ETV5: variants seen among roughly 807,000 people sequenced by gnomAD.
ETV5 encodes ETS translocation variant 5.
In ETV5, 10 loss-of-function variants were observed where a neutral mutation model predicts 70.0. The ratio of observed to expected loss-of-function variants is 0.14; its 90% CI spans 0.09 to 0.24. The LOEUF (loss-of-function observed/expected upper bound fraction) is 0.24. ETV5 is among the 10% of genes least tolerant of loss of function. The pLI is 1.00. For missense variants in ETV5, 453 were observed against 651.2 expected (o/e 0.70, Z 3.31); for synonymous variants, 216 against 242.2 (o/e 0.89, Z 1.01).
At position 186,105,121 on chromosome 3, in the gene ETV5, A is replaced by ATAAT. The variant is rs575056114; in HGVS notation, c.232+183_232+184insATTA. 8.7e-4 allele frequency: 463 copies of ATAAT among 533,862 alleles called. No individual in the cohort carries two copies. The highest frequency in any genetic ancestry group is 1.5e-3 in the Admixed American group (41 of 27,006). The allele number at this position is 533,862 out of a possible 1,614,324, so 33.1% of individuals were successfully genotyped here. A position where few individuals can be genotyped will look rare whatever the true frequency, so the allele number is the denominator to read the frequency against. On this transcript the variant is annotated intron_variant, in intron 5 of 12. Coordinates refer to ENST00000306376, the MANE Select transcript of ETV5 (RefSeq NM_004454.3). This position sits in a 1 kb window ranked among gnomAD's most constrained non-coding sequence, Gnocchi z 4.5. ...AAATCTTACCTGCAATACAGTAGAA[A>ATAAT]TACTTTAGAAATAATTTTATTATGA...
chr3:186,052,688 G>A lies in ETV5; in HGVS notation c.1210-557C>T, dbSNP rs1354171087. Among the ~76,000 whole-genome samples the A allele has an allele frequency of 6.6e-6, 1 of 152,166 alleles. No homozygotes were observed. Among genetic ancestry groups the A allele is most frequent in the African/African-American group, 2.4e-5 (1 of 41,422 alleles). On this transcript the variant is annotated intron_variant, in intron 11 of 12. Coordinates refer to ENST00000306376, the MANE Select transcript of ETV5 (RefSeq NM_004454.3). This position sits in a 1 kb window ranked among gnomAD's most constrained non-coding sequence, Gnocchi z 4.5. The stretch of plus-strand genomic sequence containing the variant: ...GCTGCCATCCAATCCCATGCTCCCA[G>A]CAGACTTGCAGAATGGACATGAAAG...
intron 7 of ETV5, among the ~76,000 whole-genome samples, chr3:186,068,574 C>T (rs1489772032): frequency 6.6e-6 from 1 of 152,224 alleles, no homozygotes. Flanking sequence ...GTGCCAGCTG[C>T]CCTTTCCCTG....
chr3:186,098,116 A>T (rs1473678886), intron 5 of ETV5, among the ~76,000 whole-genome samples: 1 of 152,194 alleles, frequency 6.6e-6, no homozygotes, highest in Non-Finnish European at 1.5e-5. Context: ...CCTTCCTAGG[A>T]TTCAAATGGC....
intron 1 of ETV5, among the ~76,000 whole-genome samples, chr3:186,106,210 T>C (rs1714583732): frequency 6.6e-6 from 1 of 152,156 alleles, no homozygotes; most frequent in Non-Finnish European, 1.5e-5. Flanking sequence ...TTTGCTACTG[T>C]CTGTTCTCTA....
chr3:186,078,998 T>TC (rs1713865757), intron 7 of ETV5: 1 of 1,027,864 alleles, frequency 9.7e-7, no homozygotes, highest in African/African-American at 1.7e-5. Context: ...CCCACACCGA[T>TC]CCACCTAACA....
At chr3:186,107,713 A>T (rs992708512) in intron 1 of ETV5, among the ~76,000 whole-genome samples, 2 of 151,780 alleles carry the variant, frequency 1.3e-5, no homozygotes. Context: ...AGCACAGCGC[A>T]GCGGCGCGAT....
chr3:186,057,368 G>T lies in ETV5; in HGVS notation c.1039+55C>A, dbSNP rs960041975. ...TTGGGAAGAGAGTCATGGCTGAGGT[G>T]TTCTGACACCTCCAAACCTCTACCT... On this transcript the variant is annotated intron_variant, in intron 10 of 12. Coordinates refer to ENST00000306376, the MANE Select transcript of ETV5 (RefSeq NM_004454.3). The surrounding 1 kb of genome is among the most constrained non-coding windows in gnomAD (Gnocchi z 4.9). 3.1e-6 allele frequency: 5 copies of T among 1,606,970 alleles called. No homozygotes were observed. Among genetic ancestry groups the T allele is most frequent in the African/African-American group, 2.7e-5 (2 of 74,740 alleles).
At chr3:186,074,875 A>T (rs1231597007) in intron 7 of ETV5, among the ~76,000 whole-genome samples, 1 of 151,502 alleles carries the variant, frequency 6.6e-6, no homozygotes, top group East Asian at 1.9e-4. Context: ...AAAAAAAAAA[A>T]AAAAAAAGAA....
intron 9 of ETV5, among the ~76,000 whole-genome samples, chr3:186,060,985 G>C (rs1713289691): frequency 6.6e-6 from 1 of 152,192 alleles, no homozygotes; most frequent in African/African-American, 2.4e-5. Flanking sequence ...ATCACAGCCA[G>C]TGTCCGGGAG....
intron 11 of ETV5, among the ~76,000 whole-genome samples, chr3:186,056,862 T>C (rs1285353859): frequency 2.6e-5 from 4 of 152,196 alleles, no homozygotes; most frequent in Non-Finnish European, 4.4e-5. Flanking sequence ...ACAAATACTT[T>C]TCATGTATTC....
intron 7 of ETV5, among the ~76,000 whole-genome samples, chr3:186,073,276 A>C (rs1713689437): frequency 6.6e-6 from 1 of 152,266 alleles, no homozygotes; most frequent in Non-Finnish European, 1.5e-5. Flanking sequence ...AGTGTCCTTT[A>C]GTATAGTTTA....
At chr3:186,107,037 C>A (rs1313640612) in intron 1 of ETV5, 17 of 707,384 alleles carry the variant, frequency 2.4e-5, no homozygotes, top group Admixed American at 6.3e-5. Context: ...CCCCGGTGAG[C>A]AATTCCATCC....
intron 5 of ETV5, among the ~76,000 whole-genome samples, chr3:186,092,925 A>C (rs1714216871): frequency 6.6e-6 from 1 of 152,208 alleles, no homozygotes; most frequent in Admixed American, 6.5e-5. Flanking sequence ...GGCTTGTAGA[A>C]CATTGCTTTC....
In ETV5 at chr3:186,057,776, G is replaced by A. The variant is rs1290160264; in HGVS notation, c.971-285C>T. 6.6e-6 allele frequency among the ~76,000 whole-genome samples: 1 copy of A among 152,118 alleles called. No individual in the cohort carries two copies. On this transcript the variant is annotated intron_variant, in intron 9 of 12. Transcript: ENST00000306376. The surrounding 1 kb of genome is among the most constrained non-coding windows in gnomAD (Gnocchi z 4.9). The stretch of plus-strand genomic sequence containing the variant: ...ACGTTCCTTTGCATTTTGCTTCTGA[G>A]GTCTGCATGGATCAATGTTGCTCTG...
chr3:186,074,898 G>T (rs1025989266), intron 7 of ETV5, among the ~76,000 whole-genome samples: 5 of 150,354 alleles, frequency 3.3e-5, no homozygotes, highest in African/African-American at 1.2e-4. Flanking sequence ...AACAAGTTAG[G>T]TTTGTCACAA....
rs118010742 is a variant in ETV5 at position 186,082,751 on chromosome 3, T to C, written c.233-1576A>G. Among the ~76,000 whole-genome samples the C allele has an allele frequency of 8.7e-3, 1,318 of 152,328 alleles. 7 individuals carry two copies. Among genetic ancestry groups the C allele is most frequent in the East Asian group, 0.018 (96 of 5,190 alleles). ...TCATCTCTTTTCTATTAATATCTGATAAGGCTGAACTATCTTCCAGCCAAC... is the reference window on the plus strand; with the variant it reads ...TCATCTCTTTTCTATTAATATCTGACAAGGCTGAACTATCTTCCAGCCAAC... On this transcript the variant is annotated intron_variant, in intron 5 of 12. Transcript: ENST00000306376.
At chr3:186,061,180 T>C (rs1026158150) in intron 9 of ETV5, among the ~76,000 whole-genome samples, 3 of 152,232 alleles carry the variant, frequency 2.0e-5, no homozygotes, top group African/African-American at 7.2e-5. Context: ...TTGACTTTCA[T>C]TTAAAATGAC....
intron 5 of ETV5, among the ~76,000 whole-genome samples, chr3:186,089,075 CTAATAGTAGA>C (rs901366627): frequency 7.9e-5 from 12 of 152,100 alleles, no homozygotes; most frequent in African/African-American, 2.7e-4. Flanking sequence ...GTGAATGACT[CTAATAGTAGA>C]TAATACTCTG....
At chr3:186,106,535 G>C (rs1042105700) in intron 1 of ETV5, among the ~76,000 whole-genome samples, 2 of 152,144 alleles carry the variant, frequency 1.3e-5, no homozygotes, top group East Asian at 1.9e-4. Flanking sequence ...AACAGATATA[G>C]CATCTGTAAT....
Sources: gnomAD v4.1 joint callset for allele counts (sites outside exome capture counted in the v4.1 genomes callset) on GRCh38, gnomAD v4.1.1 for gene constraint, Gnocchi (gnomAD v3.1) non-coding constraint, MANE v1.5 for transcripts, NCBI Gene and HGNC (gene_info 2026-07-23, HGNC 2026-07-21) for gene names.